The following SHISA6 variants were observed in gnomAD, a reference collection of about 807,000 sequenced individuals.
SHISA6 encodes the protein protein shisa-6.
In SHISA6, 22 loss-of-function variants were observed where a neutral mutation model predicts 47.9. The ratio of observed to expected loss-of-function variants is 0.46; its 90% CI spans 0.33 to 0.66. The LOEUF (loss-of-function observed/expected upper bound fraction) is 0.66, where lower values mean the gene tolerates loss of function less well. Among genes scored for constraint, SHISA6 ranks in the 30% least tolerant of loss-of-function variants. The probability of loss-of-function intolerance (pLI) is 0.02; values close to 1 mark genes in which losing one functional copy is unlikely to be tolerated. For synonymous variants in SHISA6, 388 were observed against 337.8 expected, an observed-to-expected ratio of 1.15 and a Z score of -1.63; for missense variants, 680 against 764.6, an observed-to-expected ratio of 0.89 and a Z score of 1.30.
intron 2 of SHISA6, among the ~76,000 whole-genome samples, chr17:11,320,948 A>G (rs967618316): frequency 1.3e-5 from 2 of 152,230 alleles, no homozygotes; most frequent in Non-Finnish European, 2.9e-5. Context: ...ATACAGATGT[A>G]GATTCCAGAA....
chr17:11,518,942 C>G (rs531591741), intron 3 of SHISA6, among the ~76,000 whole-genome samples: 6 of 152,288 alleles, frequency 3.9e-5, no homozygotes, highest in Middle Eastern at 3.4e-3. Context: ...GGAAACTTCC[C>G]TACCCACCCA....
At chr17:11,501,278 A>G (rs988917395) in intron 3 of SHISA6, among the ~76,000 whole-genome samples, 21 of 151,940 alleles carry the variant, frequency 1.4e-4, no homozygotes, top group Non-Finnish European at 3.1e-4. Context: ...ACGCCCAGCT[A>G]ATTTTGTATT....
chr17:11,457,847 A>G (rs1915584094), intron 3 of SHISA6, among the ~76,000 whole-genome samples: 3 of 152,184 alleles, frequency 2.0e-5, no homozygotes, highest in South Asian at 4.1e-4. Context: ...ACACTTTGGG[A>G]AGCTGAGGCA....
At chr17:11,347,323 AC>A in intron 2 of SHISA6, among the ~76,000 whole-genome samples, 1 of 152,322 alleles carries the variant, frequency 6.6e-6, no homozygotes. Context: ...TGGGAGAAGA[AC>A]CAGGGGAGTA....
chr17:11,405,601 A>C (rs1211180517), intron 3 of SHISA6, among the ~76,000 whole-genome samples: 1 of 152,124 alleles, frequency 6.6e-6, no homozygotes, highest in Non-Finnish European at 1.5e-5. Flanking sequence ...CAGCAGTTCG[A>C]GACCAGCCTG....
rs539046982 is a variant in SHISA6 at position 11,509,440 on chromosome 17, G to A, written c.896-42456G>A. On this transcript the variant is annotated intron_variant, in intron 3 of 5. Transcript: ENST00000441885. ...CAGCACAACTGTATGATGCAGGAAG[G>A]AAACTGAGCTTCAGAGAGCTGGAGG... Among the ~76,000 whole-genome samples the A allele has an allele frequency of 2.6e-5, 4 of 152,342 alleles. No homozygotes were observed. The South Asian group carries it at 6.2e-4, about 24-fold the overall frequency.
chr17:11,324,302 A>T (rs1371071317), intron 2 of SHISA6, among the ~76,000 whole-genome samples: 5 of 152,166 alleles, frequency 3.3e-5, no homozygotes, highest in Admixed American at 3.3e-4. Flanking sequence ...CCCCCGTAAC[A>T]CAGCATTTAG....
chr17:11,357,648 G>C (rs1048671974), intron 2 of SHISA6, among the ~76,000 whole-genome samples: 3 of 152,200 alleles, frequency 2.0e-5, no homozygotes, highest in Admixed American at 1.3e-4. Context: ...TCAAGTGACT[G>C]TGTGGCATCT....
At chr17:11,481,890 GATGCCATAAAAAA>G (rs1417693138) in intron 3 of SHISA6, among the ~76,000 whole-genome samples, 3 of 151,790 alleles carry the variant, frequency 2.0e-5, no homozygotes, top group Non-Finnish European at 4.4e-5. Context: ...GAGCAAAATT[GATGCCATAAAAAA>G]ATGCCATAAA....
At chr17:11,552,251 T>G (rs1317558094) in intron 4 of SHISA6, among the ~76,000 whole-genome samples, 1 of 152,234 alleles carries the variant, frequency 6.6e-6, no homozygotes, top group East Asian at 1.9e-4. Context: ...AAATTCCATA[T>G]GTCCACAGCA....
intron 1 of SHISA6, among the ~76,000 whole-genome samples, chr17:11,244,757 C>T (rs1907509346): frequency 6.6e-6 from 1 of 152,160 alleles, no homozygotes; most frequent in South Asian, 2.1e-4. Flanking sequence ...GTTACATATT[C>T]CTTGAAATAG....
At chr17:11,263,224 G>C (rs902552170) in intron 1 of SHISA6, 142 bp from the exon 2 acceptor site, 1 of 844,404 alleles carries the variant, frequency 1.2e-6, no homozygotes, top group Non-Finnish European at 1.8e-6. Flanking sequence ...ACCAGATGTA[G>C]CTGACTATTG....
At chr17:11,542,642 C>A (rs753270140) in intron 3 of SHISA6, among the ~76,000 whole-genome samples, 29 of 151,912 alleles carry the variant, frequency 1.9e-4, no homozygotes, top group Non-Finnish European at 3.8e-4. Context: ...TCTTTTACCC[C>A]GAGATAAAGG....
intron 3 of SHISA6, among the ~76,000 whole-genome samples, chr17:11,415,568 A>C (rs1239652243): frequency 6.6e-6 from 1 of 152,250 alleles, no homozygotes; most frequent in Non-Finnish European, 1.5e-5. Context: ...TGTTTAATGA[A>C]GTAGAATACA....
At chr17:11,299,366 T>G (rs1244435305) in intron 2 of SHISA6, among the ~76,000 whole-genome samples, 1 of 151,702 alleles carries the variant, frequency 6.6e-6, no homozygotes, top group Admixed American at 6.6e-5. Context: ...TTTCTGGTGT[T>G]TTTTTTTTCA....
chr17:11,332,951 G>C (rs564587431), intron 2 of SHISA6, among the ~76,000 whole-genome samples: 20 of 152,188 alleles, frequency 1.3e-4, no homozygotes, highest in Non-Finnish European at 2.5e-4. Context: ...GCGGCATCTA[G>C]AGAAGTCTGT....
chr17:11,333,730 G>A (rs1416183402), intron 2 of SHISA6, among the ~76,000 whole-genome samples: 1 of 152,076 alleles, frequency 6.6e-6, no homozygotes, highest in Admixed American at 6.5e-5. Context: ...GGCCAGGCTG[G>A]TCTCAAACTC....
intron 3 of SHISA6, among the ~76,000 whole-genome samples, chr17:11,445,485 C>G (rs1376376214): frequency 6.6e-6 from 1 of 152,184 alleles, no homozygotes. Context: ...TTTAGCAATG[C>G]AACTATATCA....
chr17:11,285,837 C>CTTTT (rs111973369), intron 2 of SHISA6, among the ~76,000 whole-genome samples: 1 of 140,752 alleles, frequency 7.1e-6, no homozygotes, highest in African/African-American at 2.6e-5. Context: ...CTCTCTCTCT[C>CTTTT]TTTTTTTTTT....
Sources: gnomAD v4.1 joint callset for allele counts (sites outside exome capture counted in the v4.1 genomes callset) on GRCh38, gnomAD v4.1.1 for gene constraint, MANE v1.5 for transcripts, NCBI Gene and HGNC (gene_info 2026-07-23, HGNC 2026-07-21) for gene names.